SLC26A2: variants seen among roughly 807,000 people sequenced by gnomAD.
The protein encoded by SLC26A2 is solute carrier family 26 member 2.
A neutral mutation model predicts 41.1 loss-of-function variants in SLC26A2; 36 were observed. The ratio of observed to expected loss-of-function variants is 0.88; its 90% CI spans 0.67 to 1.16. The LOEUF is 1.16. Among genes scored for constraint, SLC26A2 ranks in the 50% most tolerant of loss-of-function variants. The probability of loss-of-function intolerance (pLI) is 0.00; values close to 1 mark genes in which losing one functional copy is unlikely to be tolerated. For synonymous variants in SLC26A2, 291 were observed against 311.6 expected, an observed-to-expected ratio of 0.93 and a Z score of 0.70; for missense variants, 796 against 869.6, an observed-to-expected ratio of 0.92 and a Z score of 1.07.
At chr5:149,973,042 G>T (rs1754931787) in intron 1 of SLC26A2, among the ~76,000 whole-genome samples, 1 of 151,628 alleles carries the variant, frequency 6.6e-6, no homozygotes, top group South Asian at 2.1e-4. Flanking sequence ...CAGTTTGCTG[G>T]GCATGGTGGC....
rs1755116640 is a variant in SLC26A2, at chr5:149,981,994, A to G, written c.*181A>G. The G allele has an allele frequency of 1.7e-6, 1 of 593,266 alleles. No individual in the cohort carries two copies. The highest frequency in any genetic ancestry group is 3.1e-5 in the Admixed American group (1 of 31,814). 36.8% of individuals were successfully genotyped at this position (593,266 alleles called of 1,614,324 possible). ...ACACTGCAGCAGAGCTTGTAGCTGG[A>G]CAGAGTCAAAAAGAAGAAAATACGG... On this transcript the variant is annotated 3_prime_UTR_variant, in exon 3 of 3. Transcript: ENST00000286298.
rs1755104539 is a variant in SLC26A2 at position 149,981,631 on chromosome 5, C to T, written c.2038C>T (p.Gln680Ter). 1.2e-6 allele frequency: 2 copies of T among 1,613,976 alleles called. No homozygotes were observed. Among genetic ancestry groups the T allele is most frequent in the South Asian group, 1.1e-5 (1 of 91,068 alleles). ...CAGAGATTATGAAGCCATTGGAATCCAGGTTCTGCTGGCTCAGTGCAATCC... is the reference window on the plus strand; with the variant it reads ...CAGAGATTATGAAGCCATTGGAATCTAGGTTCTGCTGGCTCAGTGCAATCC... Reference protein sequence around the residue: ...VRRDYEAIGIQVLLAQCNPTV... With the variant: ...VRRDYEAIGI The change falls in exon 3 of 3, where the codon CAG becomes TAG. Residue 680 changes from glutamine (Q) to a stop codon, truncating the protein, a stop_gained. Coordinates refer to ENST00000286298, the MANE Select transcript of SLC26A2 (RefSeq NM_000112.4). LOFTEE classifies it high-confidence loss of function.
rs1429224715 is a variant in SLC26A2 at position 149,980,779 on chromosome 5, A to G, written c.1186A>G (p.Ile396Val). 2 of 1,614,056 alleles carry G rather than the reference A, an allele frequency of 1.2e-6. No homozygotes were observed. The highest frequency in any genetic ancestry group is 1.1e-5 in the South Asian group (1 of 91,072). ...AGCTATTTCCATCATTGGTTTTGCT[A>G]TCACTGTATCACTTTCTGAGATGTT... ...AIAISIIGFA[I>V]TVSLSEMFAK... The change falls in exon 3 of 3, where the codon ATC becomes GTC. Residue 396 changes from isoleucine to valine, a missense_variant. Coordinates refer to ENST00000286298, the MANE Select transcript of SLC26A2 (RefSeq NM_000112.4).
intron 1 of SLC26A2, among the ~76,000 whole-genome samples, chr5:149,966,139 A>G (rs1175146904): frequency 6.6e-6 from 1 of 152,242 alleles, no homozygotes; most frequent in Non-Finnish European, 1.5e-5. Flanking sequence ...TCCTGAGCTC[A>G]AGTGATCCGC....
chr5:149,970,023 G>C, intron 1 of SLC26A2, among the ~76,000 whole-genome samples: 1 of 152,232 alleles, frequency 6.6e-6, no homozygotes, highest in South Asian at 2.1e-4. Flanking sequence ...GCTAAGCATC[G>C]TTCTTGATAA....
intron 1 of SLC26A2, among the ~76,000 whole-genome samples, chr5:149,974,778 T>C (rs1581229293): frequency 7.4e-6 from 1 of 135,062 alleles, no homozygotes; most frequent in Non-Finnish European, 1.5e-5. Flanking sequence ...CAGACAGGAG[T>C]GCAATGGCGT....
chr5:149,978,245 C>A lies in SLC26A2; in HGVS notation c.593C>A (p.Ser198Ter). 6.2e-7 allele frequency: 1 copy of A among 1,614,074 alleles called. No homozygotes were observed. ...AGTGCTCCTTCCTTAGGAATGGTTT[C>A]AAATGGGAGCACATTATTAAATCAT... The part of the protein sequence containing the change: ...AHSAPSLGMV[S>*]NGSTLLNHTS... Residue 198 changes from serine to a stop codon, truncating the protein, a stop_gained, in exon 2 of 3, where the codon TCA becomes TAA. Coordinates refer to ENST00000286298, the MANE Select transcript of SLC26A2 (RefSeq NM_000112.4). LOFTEE classifies it high-confidence loss of function.
At chr5:149,973,412 C>T (rs908803439) in intron 1 of SLC26A2, among the ~76,000 whole-genome samples, 3 of 151,728 alleles carry the variant, frequency 2.0e-5, no homozygotes, top group African/African-American at 7.3e-5. Flanking sequence ...TTGGTGTATT[C>T]TTTTTGGCTA....
At chr5:149,963,082 A>ATATATATATATTTATT (rs1453062185) in intron 1 of SLC26A2, among the ~76,000 whole-genome samples, 17 of 138,128 alleles carry the variant, frequency 1.2e-4, no homozygotes, top group African/African-American at 4.8e-4. Context: ...CAGTGGTGCT[A>ATATATATATATTTATT]TATTTATTTA....
chr5:149,976,749 A>C (rs1296284040), intron 1 of SLC26A2, among the ~76,000 whole-genome samples: 1 of 152,184 alleles, frequency 6.6e-6, no homozygotes, highest in Admixed American at 6.5e-5. Context: ...GAGATGAAGG[A>C]TCACCTGTAT....
rs187358693 is a variant in SLC26A2 at position 149,964,129 on chromosome 5, A to G, written c.-26+3150A>G. The stretch of plus-strand genomic sequence containing the variant: ...GCCAGTGCAGATTTTTGGGGAGCAT[A>G]TCCAAATGGTTGACCTCATCTTGCT... On this transcript the variant is annotated intron_variant, in intron 1 of 2. Transcript: ENST00000286298. Among the ~76,000 whole-genome samples the G allele has an allele frequency of 4.0e-3, 608 of 152,266 alleles. 8 individuals are homozygous for G. The highest frequency in any genetic ancestry group is 0.014 in the African/African-American group (581 of 41,546).
chr5:149,968,529 G>A (rs1272762567), intron 1 of SLC26A2, among the ~76,000 whole-genome samples: 1 of 149,868 alleles, frequency 6.7e-6, no homozygotes, highest in Admixed American at 6.6e-5. Context: ...TCTTGCCTCA[G>A]CTGCCTGAGT....
chr5:149,973,308 A>G (rs528231803), intron 1 of SLC26A2, among the ~76,000 whole-genome samples: 1 of 152,340 alleles, frequency 6.6e-6, no homozygotes, highest in South Asian at 2.1e-4. Context: ...TTTTAGAGCA[A>G]TTAAACATTT....
chr5:149,977,129 G>T (rs1245065865), intron 1 of SLC26A2, among the ~76,000 whole-genome samples: 1 of 152,170 alleles, frequency 6.6e-6, no homozygotes, highest in African/African-American at 2.4e-5. Context: ...CATTTAGCAG[G>T]TTGTTTAAAA....
rs1016655650 is a variant in SLC26A2 at position 149,984,785 on chromosome 5, G to A, written c.*2972G>A. 3 of 152,248 alleles carry A rather than the reference G, an allele frequency of 2.0e-5. No individual in the cohort carries two copies. The highest frequency in any genetic ancestry group is 6.5e-5 in the Admixed American group (1 of 15,292). The allele number at this position is 152,248 out of a possible 1,614,324, so 9.4% of individuals were successfully genotyped here. The stretch of plus-strand genomic sequence containing the variant: ...TATCTTGCTTACTCTAAACTTTAGA[G>A]TCTAAATGAAGCTTTTTCTCAGTAC... On this transcript the variant is annotated 3_prime_UTR_variant, in exon 3 of 3. Coordinates refer to ENST00000286298, the MANE Select transcript of SLC26A2 (RefSeq NM_000112.4).
chr5:149,977,478 A>G (rs1476917469), intron 1 of SLC26A2, 150 bp from the exon 2 acceptor site: 2 of 639,780 alleles, frequency 3.1e-6, no homozygotes, highest in Non-Finnish European at 5.6e-6. Context: ...AACCAAGACA[A>G]ATGAGGCTCA....
rs567348765 is a variant in SLC26A2, at chr5:149,987,200, T to G, written c.*5387T>G. 6.6e-5 allele frequency: 10 copies of G among 152,316 alleles called. No individual in the cohort carries two copies. The South Asian group carries it at 2.1e-3, about 32-fold the overall frequency. 9.4% of individuals were successfully genotyped at this position (152,316 alleles called of 1,614,324 possible). On this transcript the variant is annotated 3_prime_UTR_variant, in exon 3 of 3. Coordinates refer to ENST00000286298, the MANE Select transcript of SLC26A2 (RefSeq NM_000112.4). ...CCTTGATGTAATTCCATGTAAATCA[T>G]TGCTTAACCCTCTTATGGGATGAGG...
At position 149,980,964 on chromosome 5, in the gene SLC26A2, T is replaced by A; in HGVS notation, c.1371T>A (p.Gly457=). 1 of 1,614,172 alleles carries A rather than the reference T, an allele frequency of 6.2e-7. No individual in the cohort carries two copies. Among genetic ancestry groups the A allele is most frequent in the Non-Finnish European group, 8.5e-7 (1 of 1,180,012 alleles). ...ESTGCHTQLS[G]VVTALVLLLV... The stretch of plus-strand genomic sequence containing the variant: ...CAGGCTGCCATACTCAGCTTTCTGG[T>A]GTGGTAACAGCCCTGGTTCTTTTGT... Residue 457 remains glycine (G), a synonymous_variant, in exon 3 of 3, where the codon GGT becomes GGA. Coordinates refer to ENST00000286298, the MANE Select transcript of SLC26A2 (RefSeq NM_000112.4).
At position 149,981,557 on chromosome 5, in the gene SLC26A2, C is replaced by T; in HGVS notation, c.1964C>T (p.Ala655Val). ...ELHTIVIDCS[A>V]IQFLDTAGIH... ...CATACTATAGTGATTGACTGCAGTGCAATTCAATTTTTAGATACAGCAGGG... is the reference window on the plus strand; with the variant it reads ...CATACTATAGTGATTGACTGCAGTGTAATTCAATTTTTAGATACAGCAGGG... Residue 655 changes from alanine (A) to valine (V), a missense_variant, in exon 3 of 3, where the codon GCA (alanine) becomes GTA (valine). Transcript: ENST00000286298. 1 of 1,613,792 alleles carries T rather than the reference C, an allele frequency of 6.2e-7. No individual in the cohort carries two copies. Among genetic ancestry groups the T allele is most frequent in the South Asian group, 1.1e-5 (1 of 91,056 alleles).
Sources: gnomAD v4.1 joint callset for allele counts (sites outside exome capture counted in the v4.1 genomes callset) on GRCh38, gnomAD v4.1.1 for gene constraint, MANE v1.5 for transcripts, NCBI Gene and HGNC (gene_info 2026-07-23, HGNC 2026-07-21) for gene names.